SLC9A9: variants seen among roughly 807,000 people sequenced by gnomAD.
The protein encoded by SLC9A9 is solute carrier family 9 member A9, also known as sodium/hydrogen exchanger 9.
A neutral mutation model predicts 77.8 loss-of-function variants in SLC9A9; 62 were observed. The ratio of observed to expected loss-of-function variants is 0.80; its 90% CI spans 0.65 to 0.98. The LOEUF (loss-of-function observed/expected upper bound fraction) is 0.98. Among genes scored for constraint, SLC9A9 ranks in the 50% least tolerant of loss-of-function variants. SLC9A9 has a pLI of 0.00. For synonymous variants in SLC9A9, 320 were observed against 283.5 expected (o/e 1.13, Z -1.29); for missense variants, 775 against 774.9 (o/e 1.00, Z 0.00).
intron 4 of SLC9A9, among the ~76,000 whole-genome samples, chr3:143,733,907 A>C (rs995096791): frequency 1.3e-5 from 2 of 152,140 alleles, no homozygotes; most frequent in African/African-American, 4.8e-5. Context: ...TGACTAAGAA[A>C]ACCTTGAGAC....
At chr3:143,811,810 C>A in intron 2 of SLC9A9, 1 of 432,920 alleles carries the variant, frequency 2.3e-6, no homozygotes, top group South Asian at 1.6e-5. Flanking sequence ...TGCAGTGAGC[C>A]AGGATTGCAT....
intron 11 of SLC9A9, among the ~76,000 whole-genome samples, chr3:143,486,785 T>C (rs1215644364): frequency 2.0e-5 from 3 of 151,842 alleles, no homozygotes; most frequent in African/African-American, 7.3e-5. Flanking sequence ...ATAGAATATA[T>C]ACAAAAGAAA....
intron 14 of SLC9A9, among the ~76,000 whole-genome samples, chr3:143,348,360 G>A (rs2032357625): frequency 6.6e-6 from 1 of 152,100 alleles, no homozygotes; most frequent in African/African-American, 2.4e-5. Context: ...TCATTTTCAT[G>A]TAAGCTTTCT....
chr3:143,683,322 C>T (rs1933161520), intron 5 of SLC9A9, among the ~76,000 whole-genome samples: 1 of 152,078 alleles, frequency 6.6e-6, no homozygotes, highest in Admixed American at 6.6e-5. Context: ...AGCTAACTTT[C>T]ACTTACAGAA....
chr3:143,681,331 T>A (rs1290717209), intron 5 of SLC9A9, among the ~76,000 whole-genome samples: 1 of 152,234 alleles, frequency 6.6e-6, no homozygotes, highest in African/African-American at 2.4e-5. Flanking sequence ...TTAGTAACGC[T>A]GCCGCATATT....
chr3:143,406,774 G>A (rs997517587), intron 12 of SLC9A9, among the ~76,000 whole-genome samples: 21 of 152,038 alleles, frequency 1.4e-4, no homozygotes, highest in Non-Finnish European at 2.1e-4. Flanking sequence ...TCAGGAGTTC[G>A]AGACCAGCCT....
At chr3:143,351,747 C>A (rs993724872) in intron 14 of SLC9A9, among the ~76,000 whole-genome samples, 1 of 152,144 alleles carries the variant, frequency 6.6e-6, no homozygotes, top group African/African-American at 2.4e-5. Context: ...TAATAAAATT[C>A]TTTGTTTATA....
chr3:143,698,556 C>T (rs866822343), intron 4 of SLC9A9, among the ~76,000 whole-genome samples: 3 of 152,096 alleles, frequency 2.0e-5, no homozygotes, highest in Non-Finnish European at 4.4e-5. Context: ...GAGGTAGTTT[C>T]ACACTATTAA....
intron 11 of SLC9A9, among the ~76,000 whole-genome samples, chr3:143,467,452 G>A (rs2035302821): frequency 6.6e-6 from 1 of 152,092 alleles, no homozygotes; most frequent in Non-Finnish European, 1.5e-5. Context: ...TCAAGATAAA[G>A]AACATTTCTG....
chr3:143,468,234 A>G (rs2035318565), intron 11 of SLC9A9, among the ~76,000 whole-genome samples: 1 of 152,226 alleles, frequency 6.6e-6, no homozygotes, highest in Admixed American at 6.5e-5. Flanking sequence ...TAGGTTTTTA[A>G]GAAATCACTC....
chr3:143,401,895 C>T (rs2033868591), intron 12 of SLC9A9, among the ~76,000 whole-genome samples: 1 of 152,140 alleles, frequency 6.6e-6, no homozygotes, highest in Non-Finnish European at 1.5e-5. Flanking sequence ...CCTATGAATT[C>T]CATACAGATG....
At chr3:143,797,548 G>A (rs561528986) in intron 2 of SLC9A9, among the ~76,000 whole-genome samples, 7 of 152,016 alleles carry the variant, frequency 4.6e-5, no homozygotes, top group South Asian at 2.1e-4. Flanking sequence ...GAAAATGGCC[G>A]GTTCCTGCCT....
At chr3:143,450,973 G>A (rs530805060) in intron 12 of SLC9A9, among the ~76,000 whole-genome samples, 40 of 152,224 alleles carry the variant, frequency 2.6e-4, no homozygotes, top group African/African-American at 8.7e-4. Context: ...GAGAAAGGAG[G>A]CCTGAGGGGA....
intron 4 of SLC9A9, among the ~76,000 whole-genome samples, chr3:143,784,806 C>A (rs2007997150): frequency 2.0e-5 from 3 of 152,148 alleles, no homozygotes; most frequent in African/African-American, 7.2e-5. Context: ...AATCCTAACA[C>A]CCAAGTTGAT....
At chr3:143,392,633 C>T (rs1054621155) in intron 12 of SLC9A9, among the ~76,000 whole-genome samples, 9 of 152,166 alleles carry the variant, frequency 5.9e-5, no homozygotes, top group Admixed American at 2.6e-4. Flanking sequence ...GCTAAATGCT[C>T]CAATTTAAAG....
Position 143,481,774 on chromosome 3 carries a change from G to A in SLC9A9, c.1315+11879C>T, listed in dbSNP as rs116630091. ...GGATATCAAGGATCAAGACAGCATG[G>A]AAGTGTCCCCTTTACATGGGGACTG... On this transcript the variant is annotated intron_variant, in intron 11 of 15. Transcript: ENST00000316549. Among the ~76,000 whole-genome samples the A allele has an allele frequency of 4.9e-3, 742 of 152,310 alleles. 1 individual carries two copies. The highest frequency in any genetic ancestry group is 7.5e-3 in the Non-Finnish European group (511 of 68,016).
At position 143,679,905 on chromosome 3, in the gene SLC9A9, A is replaced by T. The variant is rs569972285; in HGVS notation, c.649+13287T>A. On this transcript the variant is annotated intron_variant, in intron 5 of 15. Coordinates refer to ENST00000316549, the MANE Select transcript of SLC9A9 (RefSeq NM_173653.4). ...TAAAAGGAAATATCAGGTATGAAAA[A>T]CATAGCAGAAAAAAATTATAACAGA... 3.3e-5 allele frequency among the ~76,000 whole-genome samples: 5 copies of T among 152,310 alleles called. No homozygotes were observed. In the South Asian group the frequency reaches 6.2e-4, roughly 19 times the overall value.
chr3:143,389,064 G>A (rs1021330905), intron 12 of SLC9A9, among the ~76,000 whole-genome samples: 1 of 152,194 alleles, frequency 6.6e-6, no homozygotes, highest in Non-Finnish European at 1.5e-5. Context: ...GAACACAGAG[G>A]TGGACAGAGT....
At chr3:143,657,267 T>G (rs1272839834) in intron 5 of SLC9A9, among the ~76,000 whole-genome samples, 1 of 152,228 alleles carries the variant, frequency 6.6e-6, no homozygotes, top group Non-Finnish European at 1.5e-5. Context: ...TCATTCTAAA[T>G]TTTAAGTTAC....
Sources: gnomAD v4.1 joint callset for allele counts (sites outside exome capture counted in the v4.1 genomes callset) on GRCh38, gnomAD v4.1.1 for gene constraint, MANE v1.5 for transcripts, NCBI Gene and HGNC (gene_info 2026-07-23, HGNC 2026-07-21) for gene names.